The following TFDP2 variants were observed in gnomAD, a reference collection of about 807,000 sequenced individuals.
TFDP2 encodes transcription factor Dp-2, also known as transcription factor Dp-2 (E2F dimerization partner 2).
Under a neutral mutation model 59.3 loss-of-function variants are expected in TFDP2, and 17 were observed. The ratio of observed to expected loss-of-function variants is 0.29; its 90% CI spans 0.20 to 0.43. TFDP2 has a LOEUF of 0.43. Ranked by LOEUF, TFDP2 falls within the 20% of genes least tolerant of loss-of-function variation. The pLI is 1.00. For synonymous variants in TFDP2, 180 were observed against 194.7 expected (o/e 0.92, Z 0.63); for missense variants, 391 against 528.8 (o/e 0.74, Z 2.56).
chr3:142,079,153 A>AT (rs2060556482), intron 3 of TFDP2, among the ~76,000 whole-genome samples: 2 of 152,076 alleles, frequency 1.3e-5, no homozygotes. Context: ...AAATACAAAA[A>AT]TTAGCTGGGT....
chr3:142,146,284 T>G (rs919277499), intron 1 of TFDP2, among the ~76,000 whole-genome samples: 1 of 152,220 alleles, frequency 6.6e-6, no homozygotes, highest in South Asian at 2.1e-4. Flanking sequence ...AGAGAGAGCA[T>G]GAACAAAATA....
chr3:142,013,114 G>C (rs1017540859), intron 3 of TFDP2, among the ~76,000 whole-genome samples: 19 of 151,878 alleles, frequency 1.3e-4, no homozygotes, highest in African/African-American at 4.6e-4. Context: ...CTCCAGCCTG[G>C]GTGACAGAGC....
At chr3:141,999,618 G>A (rs544473894) in intron 4 of TFDP2, among the ~76,000 whole-genome samples, 2 of 152,280 alleles carry the variant, frequency 1.3e-5, no homozygotes, top group Admixed American at 6.5e-5. Context: ...TTTTCATGGG[G>A]CCTTTTGAAA....
chr3:142,025,024 GAA>G (rs10589827), intron 3 of TFDP2, among the ~76,000 whole-genome samples: 81 of 144,502 alleles, frequency 5.6e-4, no homozygotes, highest in African/African-American at 1.0e-3. Context: ...CTGTCTCAAA[GAA>G]AAAAAAAAAA....
In TFDP2 at chr3:142,001,270, G is replaced by C. The variant is rs191920467; in HGVS notation, c.186+4171C>G. 3.5e-3 allele frequency among the ~76,000 whole-genome samples: 539 copies of C among 152,288 alleles called. 15 individuals carry two copies. The highest frequency in any genetic ancestry group is 1.5e-3 in the East Asian group (8 of 5,176). ...GACACTGCCAAGGTTCACCACCTGT[G>C]CCCTCTAGAGGAGCAGCCACTATAC... On this transcript the variant is annotated intron_variant, in intron 4 of 12. Coordinates refer to ENST00000489671, the MANE Select transcript of TFDP2 (RefSeq NM_001178139.2).
intron 1 of TFDP2, among the ~76,000 whole-genome samples, chr3:142,106,261 T>A (rs1576997168): frequency 6.6e-6 from 1 of 152,326 alleles, no homozygotes; most frequent in East Asian, 1.9e-4. Flanking sequence ...AAGACTGTAA[T>A]CACCAAACGT....
intron 3 of TFDP2, among the ~76,000 whole-genome samples, chr3:142,032,657 C>T (rs1946490852): frequency 6.6e-6 from 1 of 152,184 alleles, no homozygotes. Flanking sequence ...CCCAAACCCA[C>T]TCATCCTCCT....
intron 1 of TFDP2, among the ~76,000 whole-genome samples, chr3:142,115,508 C>T (rs936856292): frequency 1.4e-4 from 22 of 152,092 alleles, no homozygotes; most frequent in African/African-American, 3.9e-4. Flanking sequence ...TTAGTAGAGA[C>T]GGGGTTTCAC....
intron 4 of TFDP2, among the ~76,000 whole-genome samples, chr3:142,004,764 G>A (rs901720468): frequency 6.6e-6 from 1 of 152,070 alleles, no homozygotes; most frequent in Admixed American, 6.6e-5. Context: ...ATTTATGTGA[G>A]AATACATAGT....
intron 3 of TFDP2, among the ~76,000 whole-genome samples, chr3:142,025,445 G>A (rs757421648): frequency 6.6e-4 from 101 of 152,288 alleles, no homozygotes; most frequent in South Asian, 1.7e-3. Flanking sequence ...TGTTGCTGTT[G>A]CTGATACTGT....
intron 11 of TFDP2, among the ~76,000 whole-genome samples, chr3:141,953,537 C>A (rs1936183686): frequency 6.6e-6 from 1 of 152,176 alleles, no homozygotes; most frequent in Non-Finnish European, 1.5e-5. Flanking sequence ...TGCTGGTGAA[C>A]TCAATGCTGC....
intron 3 of TFDP2, among the ~76,000 whole-genome samples, chr3:142,032,750 CCA>C (rs545685950): frequency 2.7e-4 from 41 of 152,260 alleles, no homozygotes; most frequent in African/African-American, 9.4e-4. Flanking sequence ...ACCCAAATGC[CCA>C]CATTGTTTCC....
chr3:142,065,459 CAA>C (rs1239839685), intron 3 of TFDP2, among the ~76,000 whole-genome samples: 2 of 150,952 alleles, frequency 1.3e-5, no homozygotes, highest in Non-Finnish European at 3.0e-5. Context: ...TATCCTAAAC[CAA>C]AAAAAGAGGA....
intron 3 of TFDP2, among the ~76,000 whole-genome samples, chr3:142,007,509 C>T (rs1045151626): frequency 1.3e-5 from 2 of 152,204 alleles, no homozygotes; most frequent in African/African-American, 2.4e-5. Flanking sequence ...TCGTGGAAGA[C>T]AGTTTTTCCA....
intron 6 of TFDP2, 87 bp from the exon 7 acceptor site, chr3:141,978,769 T>C (rs951066006): frequency 3.0e-6 from 3 of 1,011,376 alleles, no homozygotes; most frequent in Middle Eastern, 2.5e-4. Flanking sequence ...AAGAAGACAG[T>C]AATTTAAGTT....
rs1292779677 is a variant in TFDP2, at chr3:141,968,476, C to CAT, written c.732+1595_732+1596dup. ...ATCTCATATATAGATATATATATAA[C>CAT]ATATATATATCTCATATATAGATAT... On this transcript the variant is annotated intron_variant, in intron 9 of 12. Coordinates refer to ENST00000489671, the MANE Select transcript of TFDP2 (RefSeq NM_001178139.2). Among the ~76,000 whole-genome samples the CAT allele has an allele frequency of 2.2e-4, 20 of 91,508 alleles. No homozygotes were observed. The South Asian group carries it at 4.7e-3, about 21-fold the overall frequency. The allele number at this position is 91,508 out of a possible 152,430, so 60.0% of individuals were successfully genotyped here.
chr3:142,069,586 T>C (rs1560109246), intron 3 of TFDP2, among the ~76,000 whole-genome samples: 1 of 152,082 alleles, frequency 6.6e-6, no homozygotes, highest in Non-Finnish European at 1.5e-5. Flanking sequence ...GACAAGAGTG[T>C]TTTTGTCAAA....
intron 1 of TFDP2, among the ~76,000 whole-genome samples, chr3:142,122,364 C>A (rs1473523749): frequency 6.6e-6 from 1 of 152,114 alleles, no homozygotes; most frequent in Admixed American, 6.6e-5. Context: ...TCTCTAAAAT[C>A]CCTATCTCTA....
At chr3:142,047,134 T>A (rs906361041) in intron 3 of TFDP2, among the ~76,000 whole-genome samples, 1 of 152,198 alleles carries the variant, frequency 6.6e-6, no homozygotes, top group African/African-American at 2.4e-5. Context: ...ATTAACAACG[T>A]TGAAAGACTT....
Sources: gnomAD v4.1 joint callset for allele counts (sites outside exome capture counted in the v4.1 genomes callset) on GRCh38, gnomAD v4.1.1 for gene constraint, MANE v1.5 for transcripts, NCBI Gene and HGNC (gene_info 2026-07-23, HGNC 2026-07-21) for gene names.